DNAH5: variants seen among roughly 807,000 people sequenced by gnomAD.
DNAH5 encodes dynein axonemal heavy chain 5, also known as axonemal beta dynein heavy chain 5.
Under a neutral mutation model 518.2 loss-of-function variants are expected in DNAH5, and 372 were observed. That is an observed-to-expected ratio of 0.72 (90% CI 0.66 to 0.78). The LOEUF is 0.78. Ranked by LOEUF, DNAH5 falls within the 30% of genes least tolerant of loss-of-function variation. DNAH5 has a pLI of 0.00. For missense variants in DNAH5, 5,523 were observed against 5,687.0 expected (o/e 0.97, Z 0.93); for synonymous variants, 2,039 against 2,025.9 (o/e 1.01, Z -0.17).
intron 21 of DNAH5, among the ~76,000 whole-genome samples, chr5:13,877,502 T>C (rs929101438): frequency 6.6e-6 from 1 of 152,238 alleles, no homozygotes; most frequent in South Asian, 2.1e-4. Context: ...AAGAATATCC[T>C]GGCTCTCCCT....
At chr5:13,962,791 C>A (rs1781269161) in intron 1 of DNAH5, among the ~76,000 whole-genome samples, 1 of 152,138 alleles carries the variant, frequency 6.6e-6, no homozygotes, top group African/African-American at 2.4e-5. Context: ...AAGGACAGGG[C>A]CAAGAACCCA....
intron 68 of DNAH5, among the ~76,000 whole-genome samples, chr5:13,731,412 C>T (rs970710458): frequency 7.2e-5 from 11 of 151,974 alleles, no homozygotes; most frequent in African/African-American, 2.7e-4. Flanking sequence ...GAGTGTTCCT[C>T]GCGGGCCAGA....
At chr5:13,938,818 A>G (rs1351351405) in intron 1 of DNAH5, among the ~76,000 whole-genome samples, 2 of 152,210 alleles carry the variant, frequency 1.3e-5, no homozygotes, top group South Asian at 2.1e-4. Context: ...GTGCTAACGA[A>G]ACCAAGGACA....
rs770992861 is a variant in DNAH5, at chr5:13,900,225, CT to C, written c.2239del (p.Arg747GlyfsTer6). The C allele has an allele frequency of 6.8e-6, 11 of 1,613,928 alleles. No homozygotes were observed. Among genetic ancestry groups the C allele is most frequent in the Non-Finnish European group, 8.5e-6 (10 of 1,179,850 alleles). On this transcript the variant is annotated frameshift_variant, in exon 15 of 79. Transcript: ENST00000265104. LOFTEE classifies it high-confidence loss of function. ...GTATACCTTCATGTTACTGAAGTTC[CT>C]TTTGTATCTATCTCGTTTCTGGAAG... is the stretch of plus-strand genomic sequence containing the variant. ...SLFQKRDRYK[R>X]NFSNMKMMLA...
rs754209888 is a variant in DNAH5 at position 13,753,309 on chromosome 5, C to T, written c.10796G>A (p.Arg3599His). 15 of 1,613,910 alleles carry T rather than the reference C, an allele frequency of 9.3e-6. No homozygotes were observed. Among genetic ancestry groups the T allele is most frequent in the East Asian group, 8.9e-5 (4 of 44,856 alleles). The change falls in exon 63 of 79, where the codon CGT becomes CAT. Residue 3599 changes from arginine to histidine, a missense_variant. Around this residue, in one of 3 missense-constraint regions of DNAH5, gnomAD observed 5,121 missense variants for 5,223.3 expected, o/e 0.98. Coordinates refer to ENST00000265104, the MANE Select transcript of DNAH5 (RefSeq NM_001369.3). ...CTGTGGATCAATTAACAAAGGGTAA[C>T]GAGATGCCTTCGTGACAATAATTCC... ...QNGIIVTKAS[R>H]YPLLIDPQTQ...
At chr5:13,761,330 A>G (rs1751738221) in intron 60 of DNAH5, among the ~76,000 whole-genome samples, 1 of 152,208 alleles carries the variant, frequency 6.6e-6, no homozygotes, top group Admixed American at 6.5e-5. Context: ...ACAGTGGCTC[A>G]CGCCTGTAAT....
intron 43 of DNAH5, among the ~76,000 whole-genome samples, chr5:13,813,572 A>C (rs933368761): frequency 6.6e-6 from 1 of 152,062 alleles, no homozygotes; most frequent in South Asian, 2.1e-4. Context: ...TTACTTTTGC[A>C]AAAACAGGGT....
chr5:13,934,174 G>A (rs1778693417), intron 1 of DNAH5, among the ~76,000 whole-genome samples: 1 of 152,152 alleles, frequency 6.6e-6, no homozygotes. Flanking sequence ...CAGCCATGTA[G>A]GGAGACCACA....
intron 22 of DNAH5, among the ~76,000 whole-genome samples, chr5:13,874,689 T>C (rs1770619179): frequency 6.6e-6 from 1 of 152,174 alleles, no homozygotes; most frequent in African/African-American, 2.4e-5. Flanking sequence ...AGCTAATTTT[T>C]GTGTTTTTAG....
Position 13,830,671 on chromosome 5 carries a change from C to A in DNAH5, c.5987G>T (p.Cys1996Phe). ...GAAAACCACGACGTATTTCCCGAGG[C>A]ATCGTCCCATGTCTTTAGTGGTTTC... ...KTETTKDMGR[C>F]LGKYVVVFNC... Residue 1996 changes from cysteine to phenylalanine, a missense_variant, in exon 36 of 79, where the codon TGC becomes TTC. This residue lies in a region of DNAH5 where 5,121 missense variants were observed against 5,223.3 expected (regional missense o/e 0.98). Coordinates refer to ENST00000265104, the MANE Select transcript of DNAH5 (RefSeq NM_001369.3). 1.9e-6 allele frequency: 3 copies of A among 1,614,196 alleles called. No homozygotes were observed. The highest frequency in any genetic ancestry group is 8.5e-7 in the Non-Finnish European group (1 of 1,180,026).
intron 1 of DNAH5, among the ~76,000 whole-genome samples, chr5:13,987,998 T>C (rs1233494652): frequency 6.6e-6 from 1 of 152,060 alleles, no homozygotes; most frequent in Non-Finnish European, 1.5e-5. Context: ...AGGATCAAAT[T>C]CAAAGAAGCC....
chr5:13,867,849 A>C lies in DNAH5; in HGVS notation c.3978T>G (p.Ser1326Arg). 1 of 1,614,070 alleles carries C rather than the reference A, an allele frequency of 6.2e-7. No individual in the cohort carries two copies. The highest frequency in any genetic ancestry group is 8.5e-7 in the Non-Finnish European group (1 of 1,179,976). The part of the protein sequence containing the change: ...VQNKLVSLQP[S>R]FKKELISAVE... ...CAGCACTAATAAGCTCTTTCTTGAA[A>C]CTGGGCTGCAGTGAGACTAATTTAT... Residue 1326 changes from serine to arginine, a missense_variant, in exon 25 of 79, where the codon AGT becomes AGG. Coordinates refer to ENST00000265104, the MANE Select transcript of DNAH5 (RefSeq NM_001369.3).
At chr5:13,838,484 C>T (rs1005158769) in intron 35 of DNAH5, among the ~76,000 whole-genome samples, 1 of 152,092 alleles carries the variant, frequency 6.6e-6, no homozygotes, top group Non-Finnish European at 1.5e-5. Context: ...ATGAACTGCA[C>T]GTGAACCCTA....
Position 13,806,740 on chromosome 5 carries a change from C to A in DNAH5, c.7887+851G>T, listed in dbSNP as rs116643057. Among the ~76,000 whole-genome samples, 1,199 of 152,078 alleles carry A rather than the reference C, an allele frequency of 7.9e-3. 6 individuals are homozygous for A. The highest frequency in any genetic ancestry group is 0.013 in the Non-Finnish European group (895 of 68,010). ...AATAAGGTCTTGTACAATTTAGGACCAGGAGAAAAAGAACTATTTAAGCCA... is the reference window on the plus strand; with the variant it reads ...AATAAGGTCTTGTACAATTTAGGACAAGGAGAAAAAGAACTATTTAAGCCA... On this transcript the variant is annotated intron_variant, in intron 47 of 78. Transcript: ENST00000265104.
At position 13,900,261 on chromosome 5, in the gene DNAH5, G is replaced by A. The variant is rs1379658319; in HGVS notation, c.2204C>T (p.Ala735Val). The A allele has an allele frequency of 6.2e-7, 1 of 1,614,136 alleles. No homozygotes were observed. The highest frequency in any genetic ancestry group is 1.7e-5 in the Admixed American group (1 of 60,028). Residue 735 changes from alanine to valine, a missense_variant, in exon 15 of 79, where the codon GCA (alanine) becomes GTA (valine). Around this residue, in one of 3 missense-constraint regions of DNAH5, gnomAD observed 5,121 missense variants for 5,223.3 expected, o/e 0.98. Coordinates refer to ENST00000265104, the MANE Select transcript of DNAH5 (RefSeq NM_001369.3). The stretch of plus-strand genomic sequence containing the variant: ...ATCTCGTTTCTGGAAGAGGGAAGTT[G>A]CCAGTGGAGAGACTTCCAGACCCAT... ...AQMGLEVSPL[A>V]TSLFQKRDRY...
chr5:13,848,360 G>A (rs148273039), intron 31 of DNAH5, among the ~76,000 whole-genome samples: 1 of 152,286 alleles, frequency 6.6e-6, no homozygotes, highest in African/African-American at 2.4e-5. Context: ...ATACTCTATG[G>A]CAGCAGTCCT....
intron 1 of DNAH5, among the ~76,000 whole-genome samples, chr5:13,940,471 A>C (rs1779355961): frequency 6.6e-6 from 1 of 152,134 alleles, no homozygotes; most frequent in African/African-American, 2.4e-5. Flanking sequence ...GAATTCCAAA[A>C]CTTCCCTTAT....
intron 59 of DNAH5, among the ~76,000 whole-genome samples, chr5:13,765,390 T>C (rs2126758838): frequency 6.6e-6 from 1 of 152,288 alleles, no homozygotes; most frequent in South Asian, 2.1e-4. Flanking sequence ...AAAGTGTTCA[T>C]ACAATATTAT....
At chr5:13,703,935 G>C (rs1207872372) in intron 76 of DNAH5, among the ~76,000 whole-genome samples, 1 of 152,148 alleles carries the variant, frequency 6.6e-6, no homozygotes, top group Non-Finnish European at 1.5e-5. Context: ...TCCTAATCCA[G>C]AAAGTCTAGA....
Sources: allele counts gnomAD v4.1 joint callset (sites outside exome capture counted in the v4.1 genomes callset), GRCh38; gene constraint gnomAD v4.1.1; regional missense constraint gnomAD v4.1.1; transcripts MANE v1.5; gene names NCBI Gene and HGNC (gene_info 2026-07-23, HGNC 2026-07-21).